The following ZFHX3 variants were observed in gnomAD, a reference collection of about 807,000 sequenced individuals.
The protein encoded by ZFHX3 is zinc finger homeobox 3.
ZFHX3 carries 42 observed loss-of-function variants against 279.1 expected under a neutral mutation model. The observed-to-expected ratio is 0.15, with a 90% CI of 0.12 to 0.19. The LOEUF (loss-of-function observed/expected upper bound fraction) is 0.19. ZFHX3 is among the 10% of genes least tolerant of loss of function. The pLI, the probability that ZFHX3 is intolerant of heterozygous loss-of-function variation, is 1.00. For missense variants in ZFHX3, 4,981 were observed against 4,754.0 expected (o/e 1.05, Z -1.40); for synonymous variants, 2,293 against 1,957.8 (o/e 1.17, Z -4.52).
chr16:73,294,025 A>C (rs1407810995), intron 4 of ZFHX3: 2 of 147,444 alleles, frequency 1.4e-5, no homozygotes. Context: ...CACAAAGCTC[A>C]GTATTGAAAC....
chr16:73,703,825 C>T (rs566272680), intron 1 of ZFHX3, among the ~76,000 whole-genome samples: 4 of 152,070 alleles, frequency 2.6e-5, no homozygotes, highest in African/African-American at 4.8e-5. Context: ...CACTGTGGTA[C>T]GTTTTTGAGG....
chr16:73,819,765 G>A (rs1960681008), intron 1 of ZFHX3, among the ~76,000 whole-genome samples: 1 of 152,180 alleles, frequency 6.6e-6, no homozygotes, highest in African/African-American at 2.4e-5. Flanking sequence ...TCATAGGTAA[G>A]AAGAAAGCAC....
At chr16:73,741,028 C>CTTT (rs57661722) in intron 1 of ZFHX3, among the ~76,000 whole-genome samples, 9 of 85,570 alleles carry the variant, frequency 1.1e-4, no homozygotes, top group Admixed American at 1.6e-4. Context: ...AAAAATGGGC[C>CTTT]TTTTTTTTTT....
intron 5 of ZFHX3, among the ~76,000 whole-genome samples, chr16:73,192,185 T>C (rs931679053): frequency 6.6e-6 from 1 of 152,164 alleles, no homozygotes; most frequent in African/African-American, 2.4e-5. Flanking sequence ...TGGGATCAGA[T>C]GTCCACTGAT....
At chr16:73,502,661 C>A (rs2019259214) in intron 2 of ZFHX3, among the ~76,000 whole-genome samples, 1 of 152,202 alleles carries the variant, frequency 6.6e-6, no homozygotes, top group African/African-American at 2.4e-5. Flanking sequence ...CTCGGACACC[C>A]AGTCTTGGAC....
intron 7 of ZFHX3, among the ~76,000 whole-genome samples, chr16:73,098,344 A>G (rs1431069420): frequency 6.6e-6 from 1 of 151,768 alleles, no homozygotes; most frequent in East Asian, 1.9e-4. Flanking sequence ...CTGGGATTAC[A>G]GGTGTGAGCC....
chr16:72,904,169 C>G (rs574999134), intron 3 of ZFHX3, among the ~76,000 whole-genome samples: 1 of 152,036 alleles, frequency 6.6e-6, no homozygotes, highest in Non-Finnish European at 1.5e-5. Context: ...AGTTAGAGAC[C>G]AGCTTGGCCA....
chr16:73,171,493 CG>C (rs1055671748), intron 5 of ZFHX3, among the ~76,000 whole-genome samples: 11 of 9,470 alleles, frequency 1.2e-3, no homozygotes, highest in African/African-American at 4.6e-3. Flanking sequence ...CAGAAAATGG[CG>C]GGGGGGGCGG....
intron 1 of ZFHX3, among the ~76,000 whole-genome samples, chr16:73,759,009 G>C (rs543149999): frequency 2.1e-4 from 32 of 152,306 alleles, no homozygotes; most frequent in African/African-American, 7.7e-4. Flanking sequence ...TGATACCAAA[G>C]CCTCACTGTT....
intron 1 of ZFHX3, among the ~76,000 whole-genome samples, chr16:73,855,847 G>C (rs113912178): frequency 1.3e-5 from 2 of 152,118 alleles, no homozygotes; most frequent in Non-Finnish European, 2.9e-5. Flanking sequence ...TCTGGGGCAA[G>C]GTTTTCCATA....
At position 73,835,545 on chromosome 16, in the gene ZFHX3, A is replaced by G. The variant is rs568880629; in HGVS notation, c.-1608+56106T>C. Among the ~76,000 whole-genome samples the G allele has an allele frequency of 8.9e-4, 117 of 131,048 alleles. No individual in the cohort carries two copies. In the South Asian group the frequency reaches 0.015, roughly 17 times the overall value. The allele number at this position is 131,048 out of a possible 152,430, so 86.0% of individuals were successfully genotyped here. On this transcript the variant is annotated intron_variant, in intron 1 of 17. Coordinates refer to the ZFHX3 transcript ENST00000641206. ...GAGTGCAATGTTGCAATCTCGACTC[A>G]CTGCAACCTCCACCTCCTGGGTTCA...
chr16:73,445,161 A>G (rs1461430780), intron 3 of ZFHX3, among the ~76,000 whole-genome samples: 2 of 152,072 alleles, frequency 1.3e-5, no homozygotes, highest in Non-Finnish European at 1.5e-5. Context: ...CTTTTCATAT[A>G]CAATGAATAT....
intron 1 of ZFHX3, among the ~76,000 whole-genome samples, chr16:73,728,401 C>T (rs901015965): frequency 6.6e-6 from 1 of 152,140 alleles, no homozygotes; most frequent in African/African-American, 2.4e-5. Flanking sequence ...CTAATATAAT[C>T]GCAATTGCCA....
chr16:73,114,681 A>C (rs997662079), intron 7 of ZFHX3, among the ~76,000 whole-genome samples: 1 of 152,186 alleles, frequency 6.6e-6, no homozygotes, highest in African/African-American at 2.4e-5. Context: ...CCTGTCTCAA[A>C]AAACGTAAAG....
At chr16:73,522,817 G>A (rs2019629145) in intron 2 of ZFHX3, among the ~76,000 whole-genome samples, 2 of 152,164 alleles carry the variant, frequency 1.3e-5, no homozygotes, top group African/African-American at 4.8e-5. Flanking sequence ...GGCTGGGGAG[G>A]CCTCAGGAAA....
intron 1 of ZFHX3, among the ~76,000 whole-genome samples, chr16:72,983,504 C>T (rs547931581): frequency 1.3e-5 from 2 of 152,062 alleles, no homozygotes; most frequent in Non-Finnish European, 2.9e-5. Context: ...CCTGGCAGTT[C>T]GAGGCCAGCC....
intron 4 of ZFHX3, among the ~76,000 whole-genome samples, chr16:72,844,772 A>G (rs1327581483): frequency 6.6e-6 from 1 of 152,056 alleles, no homozygotes; most frequent in Non-Finnish European, 1.5e-5. Flanking sequence ...CTAAATTCTT[A>G]AGATCTTGCT....
At chr16:73,823,249 G>A (rs16972659) in intron 1 of ZFHX3, among the ~76,000 whole-genome samples, 1 of 152,068 alleles carries the variant, frequency 6.6e-6, no homozygotes, top group Non-Finnish European at 1.5e-5. Context: ...ATTAGGCAGA[G>A]AGAAATAGGG....
intron 3 of ZFHX3, among the ~76,000 whole-genome samples, chr16:73,397,805 T>C (rs533103439): frequency 7.3e-5 from 10 of 137,012 alleles, no homozygotes; most frequent in Non-Finnish European, 1.1e-4. Context: ...CTTTGGGGGG[T>C]CTTGGAAATG....
Sources: allele counts gnomAD v4.1 joint callset (sites outside exome capture counted in the v4.1 genomes callset), GRCh38; gene constraint gnomAD v4.1.1; transcripts MANE v1.5; gene names NCBI Gene and HGNC (gene_info 2026-07-23, HGNC 2026-07-21).